The following CTNNA3 variants were observed in gnomAD, a reference collection of about 807,000 sequenced individuals.
CTNNA3 encodes the protein catenin alpha 3.
CTNNA3 carries 76 observed loss-of-function variants against 95.7 expected under a neutral mutation model. The observed-to-expected ratio is 0.79, with a 90% confidence interval of 0.66 to 0.96. The LOEUF is 0.96. Among genes scored for constraint, CTNNA3 ranks in the 40% least tolerant of loss-of-function variants. The probability of loss-of-function intolerance (pLI) is 0.00; values close to 1 mark genes in which losing one functional copy is unlikely to be tolerated. For synonymous variants in CTNNA3, 431 were observed against 374.4 expected (o/e 1.15, Z -1.74); for missense variants, 1,191 against 1,089.8 (o/e 1.09, Z -1.31).
intron 5 of CTNNA3, among the ~76,000 whole-genome samples, chr10:67,503,633 G>A (rs2133109181): frequency 6.6e-6 from 1 of 152,260 alleles, no homozygotes; most frequent in East Asian, 1.9e-4. Context: ...ATCTTAGAGT[G>A]TGTTCACTGA....
intron 8 of CTNNA3, among the ~76,000 whole-genome samples, chr10:66,769,156 C>T (rs1839982831): frequency 6.6e-6 from 1 of 152,154 alleles, no homozygotes; most frequent in African/African-American, 2.4e-5. Context: ...GCTGGAAATA[C>T]ATATTGATTT....
intron 2 of CTNNA3, among the ~76,000 whole-genome samples, chr10:67,612,682 C>G (rs367669360): frequency 3.3e-5 from 5 of 152,058 alleles, no homozygotes; most frequent in Admixed American, 6.5e-5. Context: ...AGTAGAGAAG[C>G]CTTTGCCCAT....
At chr10:67,336,774 A>C (rs759180977) in intron 5 of CTNNA3, among the ~76,000 whole-genome samples, 1 of 152,162 alleles carries the variant, frequency 6.6e-6, no homozygotes, top group Non-Finnish European at 1.5e-5. Context: ...GGCCCTTAAG[A>C]ACTGTGATAA....
chr10:67,363,449 T>A (rs1843075450), intron 5 of CTNNA3, among the ~76,000 whole-genome samples: 1 of 150,872 alleles, frequency 6.6e-6, no homozygotes, highest in Non-Finnish European at 1.5e-5. Context: ...AAGAAATAAC[T>A]AAGATCAGAG....
chr10:67,570,120 T>C (rs1475963925), intron 3 of CTNNA3, among the ~76,000 whole-genome samples: 1 of 152,050 alleles, frequency 6.6e-6, no homozygotes, highest in East Asian at 1.9e-4. Context: ...CAATTACTTT[T>C]GAACAATTTT....
chr10:66,639,857 A>G (rs895140975), intron 9 of CTNNA3, among the ~76,000 whole-genome samples: 2 of 152,112 alleles, frequency 1.3e-5, no homozygotes, highest in Admixed American at 6.5e-5. Context: ...TTTACTTCAT[A>G]TATGTCACTT....
intron 10 of CTNNA3, among the ~76,000 whole-genome samples, chr10:66,586,858 A>G (rs948895296): frequency 6.6e-6 from 1 of 152,126 alleles, no homozygotes; most frequent in African/African-American, 2.4e-5. Flanking sequence ...GCTTTCTTTT[A>G]TACCATGGGA....
intron 11 of CTNNA3, among the ~76,000 whole-genome samples, chr10:66,512,337 T>G (rs545981046): frequency 5.3e-5 from 8 of 152,208 alleles, no homozygotes; most frequent in African/African-American, 1.4e-4. Context: ...GTTTATATAT[T>G]TCAATTAGGG....
intron 7 of CTNNA3, among the ~76,000 whole-genome samples, chr10:66,807,354 T>C (rs897520103): frequency 1.3e-5 from 2 of 152,122 alleles, no homozygotes; most frequent in African/African-American, 4.8e-5. Context: ...CTCCATTTTC[T>C]ACATAAGTGA....
chr10:66,518,573 T>A (rs1840945287), intron 11 of CTNNA3, among the ~76,000 whole-genome samples: 1 of 152,138 alleles, frequency 6.6e-6, no homozygotes, highest in Non-Finnish European at 1.5e-5. Context: ...TTGTTCATAA[T>A]AATTAAAATT....
intron 13 of CTNNA3, among the ~76,000 whole-genome samples, chr10:66,160,777 G>A (rs1589597271): frequency 6.6e-6 from 1 of 152,070 alleles, no homozygotes; most frequent in Non-Finnish European, 1.5e-5. Context: ...TGTCAGTGGA[G>A]TACTAAAGTC....
At chr10:67,710,597 T>C (rs1006720602) in intron 1 of CTNNA3, among the ~76,000 whole-genome samples, 5 of 152,108 alleles carry the variant, frequency 3.3e-5, no homozygotes, top group Admixed American at 3.3e-4. Flanking sequence ...CAGTGGTAGA[T>C]AGAAACAATT....
chr10:67,267,054 T>C (rs1249566032), intron 5 of CTNNA3, among the ~76,000 whole-genome samples: 1 of 152,182 alleles, frequency 6.6e-6, no homozygotes, highest in Non-Finnish European at 1.5e-5. Flanking sequence ...ATCCTGACAA[T>C]TACAATAGGT....
At chr10:66,409,260 A>C (rs2132588891) in intron 11 of CTNNA3, among the ~76,000 whole-genome samples, 1 of 152,262 alleles carries the variant, frequency 6.6e-6, no homozygotes, top group Non-Finnish European at 1.5e-5. Flanking sequence ...AAGTGGTCAA[A>C]GAGAAATTTT....
chr10:66,541,605 A>G (rs1484675266), intron 10 of CTNNA3, among the ~76,000 whole-genome samples: 2 of 152,152 alleles, frequency 1.3e-5, no homozygotes, highest in East Asian at 1.9e-4. Context: ...GCTTTTCTCT[A>G]TAATGCATGT....
At position 67,623,885 on chromosome 10, in the gene CTNNA3, C is replaced by T. The variant is rs530024654; in HGVS notation, c.100-16836G>A. Among the ~76,000 whole-genome samples, 10 of 152,144 alleles carry T rather than the reference C, an allele frequency of 6.6e-5. No individual in the cohort carries two copies. The East Asian group carries it at 1.2e-3, about 18-fold the overall frequency. On this transcript the variant is annotated intron_variant, in intron 2 of 17. Coordinates refer to ENST00000433211, the MANE Select transcript of CTNNA3 (RefSeq NM_013266.4). Reference sequence around the variant, plus strand: ...AGGCTGAAGGGCAATGGTGCGATCTCGGCTCACTGCAACCTCCGTCTCCCA... The same window carrying T: ...AGGCTGAAGGGCAATGGTGCGATCTTGGCTCACTGCAACCTCCGTCTCCCA...
At chr10:66,696,770 T>TAAA (rs34725693) in intron 9 of CTNNA3, among the ~76,000 whole-genome samples, 12 of 149,570 alleles carry the variant, frequency 8.0e-5, no homozygotes, top group South Asian at 4.2e-4. Flanking sequence ...CTGTCTCTAT[T>TAAA]AAAAAAAAAA....
chr10:67,158,364 G>A (rs909539563), intron 7 of CTNNA3, among the ~76,000 whole-genome samples: 4 of 152,072 alleles, frequency 2.6e-5, no homozygotes, highest in Non-Finnish European at 4.4e-5. Context: ...TGAATCATAC[G>A]GTTGCAAGCT....
intron 5 of CTNNA3, among the ~76,000 whole-genome samples, chr10:67,469,482 T>C (rs189983246): frequency 5.9e-5 from 9 of 152,004 alleles, no homozygotes; most frequent in South Asian, 2.1e-4. Context: ...CTGGAAACCA[T>C]CATTCTCAGA....
Sources: gnomAD v4.1 joint callset for allele counts (sites outside exome capture counted in the v4.1 genomes callset) on GRCh38, gnomAD v4.1.1 for gene constraint, MANE v1.5 for transcripts, NCBI Gene and HGNC (gene_info 2026-07-23, HGNC 2026-07-21) for gene names.